Variants in ACYP2 observed in about 807,000 individuals in gnomAD.
ACYP2 encodes acylphosphatase-2.
In ACYP2, 12 loss-of-function variants were observed where a neutral mutation model predicts 11.2. That is an observed-to-expected ratio of 1.08 (90% CI 0.69 to 1.74). The LOEUF (loss-of-function observed/expected upper bound fraction) is 1.74, where lower values mean the gene tolerates loss of function less well. Ranked by LOEUF, ACYP2 falls within the 40% of genes most tolerant of loss-of-function variation. The pLI, the probability that ACYP2 is intolerant of heterozygous loss-of-function variation, is 0.00. For missense variants in ACYP2, 134 were observed against 101.9 expected (o/e 1.31, Z -1.35); for synonymous variants, 43 against 32.2 (o/e 1.33, Z -1.13).
chr2:54,290,304 G>A (rs1285225289), intron 6 of ACYP2, among the ~76,000 whole-genome samples: 1 of 152,006 alleles, frequency 6.6e-6, no homozygotes, highest in South Asian at 2.1e-4. Context: ...ACCATAGAAC[G>A]TTGCATGCCT....
At chr2:54,185,529 A>G (rs1209798695) in intron 6 of ACYP2, among the ~76,000 whole-genome samples, 2 of 151,488 alleles carry the variant, frequency 1.3e-5, no homozygotes. Flanking sequence ...CGCCTAAAGC[A>G]TAGGGATTTT....
At chr2:54,291,975 T>G (rs781642450) in intron 6 of ACYP2, among the ~76,000 whole-genome samples, 1 of 152,172 alleles carries the variant, frequency 6.6e-6, no homozygotes, top group Non-Finnish European at 1.5e-5. Flanking sequence ...ATTTTACAAC[T>G]CTGTAAGGTA....
In ACYP2 at chr2:53,973,806, A is replaced by T; in HGVS notation, c.58A>T (p.Arg20Trp). The T allele has an allele frequency of 6.5e-6, 2 of 308,892 alleles. No homozygotes were observed. Among genetic ancestry groups the T allele is most frequent in the East Asian group, 1.0e-4 (2 of 19,930 alleles). The allele number at this position is 308,892 out of a possible 1,614,324, so 19.1% of individuals were successfully genotyped here. A position where few individuals can be genotyped will look rare whatever the true frequency, so the allele number is the denominator to read the frequency against. ...CTTCCCACGGACGCGCGAGACAATG[A>T]GGAGGTACTTGGAATAAAAGGAGGG... The change falls in exon 2 of 7, where the codon AGG (arginine) becomes TGG (tryptophan). Residue 20 changes from arginine (R) to tryptophan (W), a missense_variant. Physicochemically the swap from Arg to Trp is moderately radical, Grantham distance 101. Coordinates refer to ENST00000607452, the MANE Select transcript of ACYP2 (RefSeq NM_001320586.2).
At chr2:54,096,480 G>A (rs1364307796) in intron 4 of ACYP2, among the ~76,000 whole-genome samples, 1 of 152,112 alleles carries the variant, frequency 6.6e-6, no homozygotes, top group African/African-American at 2.4e-5. Context: ...GCCAAGGCAG[G>A]CGGCTGGGAG....
intron 4 of ACYP2, among the ~76,000 whole-genome samples, chr2:54,102,638 CAAAAAAAAA>C (rs58842257): frequency 3.7e-3 from 306 of 83,204 alleles, no homozygotes; most frequent in African/African-American, 0.017. Flanking sequence ...TGGCTTAAGC[CAAAAAAAAA>C]AAAAAAAAAA....
intron 4 of ACYP2, among the ~76,000 whole-genome samples, chr2:54,127,944 C>T (rs1680641525): frequency 6.6e-6 from 1 of 152,174 alleles, no homozygotes; most frequent in African/African-American, 2.4e-5. Flanking sequence ...TCTTGAAATT[C>T]ACTTTCAGAA....
chr2:54,185,128 A>C (rs934117781), intron 6 of ACYP2, among the ~76,000 whole-genome samples: 1 of 152,176 alleles, frequency 6.6e-6, no homozygotes, highest in Non-Finnish European at 1.5e-5. Flanking sequence ...CATCCATTCT[A>C]TGCCAGGTCT....
intron 3 of ACYP2, among the ~76,000 whole-genome samples, chr2:54,052,046 C>CAATA (rs58161337): frequency 0.11 from 16,101 of 141,028 alleles, 1,091 homozygotes; most frequent in East Asian, 0.27. Flanking sequence ...GACTCTGTCT[C>CAATA]AATAAATAAA....
intron 2 of ACYP2, among the ~76,000 whole-genome samples, chr2:54,035,265 CT>C (rs895749612): frequency 0.16 from 19,500 of 125,630 alleles, 641 homozygotes; most frequent in African/African-American, 0.21. Flanking sequence ...TTTTCTTTTT[CT>C]TTTTTTTTTT....
chr2:54,290,970 C>T (rs1189128971), intron 6 of ACYP2, among the ~76,000 whole-genome samples: 1 of 152,136 alleles, frequency 6.6e-6, no homozygotes, highest in Non-Finnish European at 1.5e-5. Context: ...ATGTATACAG[C>T]TGCTCTCTCT....
At chr2:53,991,179 G>C (rs1024413739) in intron 2 of ACYP2, among the ~76,000 whole-genome samples, 1 of 152,176 alleles carries the variant, frequency 6.6e-6, no homozygotes, top group Non-Finnish European at 1.5e-5. Context: ...ATCAGATGTT[G>C]TGATTTTATA....
intron 6 of ACYP2, among the ~76,000 whole-genome samples, chr2:54,172,547 A>G (rs1359489049): frequency 6.6e-6 from 1 of 152,196 alleles, no homozygotes; most frequent in Non-Finnish European, 1.5e-5. Flanking sequence ...ACACCTGGAG[A>G]GGGAGCAGTA....
At chr2:54,115,471 G>A in intron 4 of ACYP2, 144 bp from the exon 1 acceptor site, 1 of 1,207,032 alleles carries the variant, frequency 8.3e-7, no homozygotes, top group Non-Finnish European at 1.1e-6. Flanking sequence ...TAGGATGCCT[G>A]GGGCCCAGCG....
intron 6 of ACYP2, among the ~76,000 whole-genome samples, chr2:54,167,349 G>A (rs1339109924): frequency 6.6e-6 from 1 of 152,162 alleles, no homozygotes; most frequent in East Asian, 1.9e-4. Flanking sequence ...GCACAGTCTA[G>A]ACAACACTCT....
chr2:54,267,745 G>T (rs144518948), intron 6 of ACYP2, among the ~76,000 whole-genome samples: 1 of 152,282 alleles, frequency 6.6e-6, no homozygotes, highest in South Asian at 2.1e-4. Flanking sequence ...TAAAATGATT[G>T]TTGGCAAAAG....
chr2:54,028,768 A>G (rs1464687046), intron 2 of ACYP2, among the ~76,000 whole-genome samples: 1 of 152,144 alleles, frequency 6.6e-6, no homozygotes, highest in Admixed American at 6.5e-5. Context: ...CCTTTCCCCT[A>G]AAAAGAAGGG....
chr2:54,139,271 T>C (rs373515272), intron 6 of ACYP2, among the ~76,000 whole-genome samples: 1 of 152,218 alleles, frequency 6.6e-6, no homozygotes, highest in Non-Finnish European at 1.5e-5. Context: ...GTGAAGTTCT[T>C]AGGGTAGCGT....
chr2:54,134,272 G>A (rs2103773132), intron 4 of ACYP2, among the ~76,000 whole-genome samples: 1 of 152,146 alleles, frequency 6.6e-6, no homozygotes, highest in East Asian at 1.9e-4. Flanking sequence ...CAGCCTGGGT[G>A]CAGAGCAAGA....
intron 6 of ACYP2, among the ~76,000 whole-genome samples, chr2:54,300,707 G>A (rs1239759761): frequency 2.0e-5 from 3 of 152,144 alleles, no homozygotes; most frequent in African/African-American, 7.2e-5. Flanking sequence ...CTGTATCCCA[G>A]GGTACCCTCC....
Sources: gnomAD v4.1 joint callset for allele counts (sites outside exome capture counted in the v4.1 genomes callset) on GRCh38, gnomAD v4.1.1 for gene constraint, MANE v1.5 for transcripts, NCBI Gene and HGNC (gene_info 2026-07-23, HGNC 2026-07-21) for gene names.